Variants in COX10 observed in about 807,000 individuals in gnomAD.
COX10 encodes the protein cytochrome c oxidase assembly factor heme A:farnesyltransferase COX10.
In COX10, 27 loss-of-function variants were observed where a neutral mutation model predicts 37.3. The observed-to-expected ratio is 0.72, with a 90% confidence interval of 0.53 to 1.00. COX10 has a LOEUF of 1.00. Among genes scored for constraint, COX10 ranks in the 50% least tolerant of loss-of-function variants. The probability of loss-of-function intolerance (pLI) is 0.00; values close to 1 mark genes in which losing one functional copy is unlikely to be tolerated. For missense variants in COX10, 475 were observed against 563.2 expected (o/e 0.84, Z 1.59); for synonymous variants, 222 against 229.1 (o/e 0.97, Z 0.28).
At chr17:14,089,207 C>T (rs796682950) in intron 3 of COX10, among the ~76,000 whole-genome samples, 19 of 152,308 alleles carry the variant, frequency 1.2e-4, no homozygotes, top group African/African-American at 4.6e-4. Context: ...AAGCTGCCTG[C>T]CTCTTCTCTA....
intron 6 of COX10, among the ~76,000 whole-genome samples, chr17:14,199,678 C>T (rs571203068): frequency 2.6e-5 from 4 of 152,302 alleles, no homozygotes; most frequent in African/African-American, 9.6e-5. Context: ...CACTCTATTT[C>T]CTATTTTCAG....
At chr17:14,168,752 C>T (rs1448149185) in intron 5 of COX10, among the ~76,000 whole-genome samples, 3 of 152,170 alleles carry the variant, frequency 2.0e-5, no homozygotes, top group Admixed American at 2.0e-4. Flanking sequence ...GAGTGCCCAC[C>T]ATGTCCTGAG....
intron 3 of COX10, among the ~76,000 whole-genome samples, chr17:14,088,161 C>T (rs1915453180): frequency 6.6e-6 from 1 of 152,034 alleles, no homozygotes; most frequent in South Asian, 2.1e-4. Context: ...ATATTTATTT[C>T]CCATATTTAT....
chr17:14,078,806 A>G (rs1915215395), intron 3 of COX10, among the ~76,000 whole-genome samples: 2 of 152,186 alleles, frequency 1.3e-5, no homozygotes, highest in African/African-American at 4.8e-5. Context: ...GCTTAGTGTT[A>G]AAGGAACACT....
chr17:14,069,749 G>A, intron 1 of COX10, 101 bp downstream of exon 1: 1 of 1,480,714 alleles, frequency 6.8e-7, no homozygotes, highest in South Asian at 1.2e-5. Flanking sequence ...GGAGCCCTTG[G>A]CGAGGTTGGC....
intron 4 of COX10, among the ~76,000 whole-genome samples, chr17:14,136,026 T>C (rs1414648021): frequency 6.6e-6 from 1 of 151,844 alleles, no homozygotes; most frequent in Non-Finnish European, 1.5e-5. Flanking sequence ...GAGACGAAGA[T>C]AGAGAGGAAG....
chr17:14,130,084 T>A (rs1353369717), intron 4 of COX10, among the ~76,000 whole-genome samples: 1 of 152,130 alleles, frequency 6.6e-6, no homozygotes, highest in Non-Finnish European at 1.5e-5. Flanking sequence ...CAACAAAAAT[T>A]AAGAATGTAA....
intron 4 of COX10, among the ~76,000 whole-genome samples, chr17:14,147,626 A>G (rs1904761214): frequency 6.6e-6 from 1 of 152,148 alleles, no homozygotes; most frequent in African/African-American, 2.4e-5. Context: ...CATTTTAATA[A>G]CTAATAGAGT....
At chr17:14,122,528 T>C (rs1192088037) in intron 4 of COX10, among the ~76,000 whole-genome samples, 1 of 152,176 alleles carries the variant, frequency 6.6e-6, no homozygotes, top group African/African-American at 2.4e-5. Flanking sequence ...TGAGAGATTT[T>C]TTTTTCTGTA....
chr17:14,107,249 A>G (rs1915914216), intron 4 of COX10, among the ~76,000 whole-genome samples: 1 of 151,762 alleles, frequency 6.6e-6, no homozygotes, highest in South Asian at 2.1e-4. Context: ...ATCTTTGCCC[A>G]AGATCCTGGC....
intron 4 of COX10, among the ~76,000 whole-genome samples, chr17:14,121,550 TG>T (rs1949555671): frequency 6.6e-6 from 1 of 152,166 alleles, no homozygotes; most frequent in African/African-American, 2.4e-5. Flanking sequence ...TTGTGTGACA[TG>T]GGGCAAATTA....
chr17:14,095,605 T>A (rs988849110), intron 3 of COX10, among the ~76,000 whole-genome samples: 1 of 152,214 alleles, frequency 6.6e-6, no homozygotes, highest in Non-Finnish European at 1.5e-5. Context: ...ATTGTTTCAC[T>A]GTTTCAACAG....
At chr17:14,081,141 A>G (rs1024474625) in intron 3 of COX10, among the ~76,000 whole-genome samples, 2 of 152,238 alleles carry the variant, frequency 1.3e-5, no homozygotes, top group African/African-American at 2.4e-5. Context: ...GACAGAGTTA[A>G]TTGCAACAGA....
intron 2 of COX10, among the ~76,000 whole-genome samples, chr17:14,076,528 C>T (rs1915155642): frequency 6.6e-6 from 1 of 152,126 alleles, no homozygotes; most frequent in Non-Finnish European, 1.5e-5. Flanking sequence ...AAAACCATTA[C>T]TGAGGCCTAA....
intron 5 of COX10, among the ~76,000 whole-genome samples, chr17:14,172,678 C>T (rs1310202531): frequency 6.8e-6 from 1 of 148,018 alleles, no homozygotes; most frequent in African/African-American, 2.5e-5. Context: ...CTCCAGAACT[C>T]GTGATCCTCC....
intron 4 of COX10, among the ~76,000 whole-genome samples, chr17:14,107,431 GCTATT>G (rs141576737): frequency 0.026 from 3,924 of 152,108 alleles, 179 homozygotes; most frequent in African/African-American, 0.09. Context: ...GTATGGTCTT[GCTATT>G]CATAGCCCAC....
chr17:14,136,927 T>C (rs1904388939), intron 4 of COX10, among the ~76,000 whole-genome samples: 1 of 152,090 alleles, frequency 6.6e-6, no homozygotes, highest in Non-Finnish European at 1.5e-5. Flanking sequence ...CATTAAAACT[T>C]CAAGTTTACT....
intron 3 of COX10, among the ~76,000 whole-genome samples, chr17:14,078,413 G>C (rs903301113): frequency 6.6e-6 from 1 of 152,164 alleles, no homozygotes; most frequent in African/African-American, 2.4e-5. Context: ...CTCGTCTCTT[G>C]TTGTCCCATT....
intron 3 of COX10, among the ~76,000 whole-genome samples, chr17:14,093,436 T>A (rs1056952255): frequency 2.0e-4 from 30 of 150,988 alleles, no homozygotes; most frequent in Admixed American, 1.9e-3. Context: ...TAGTGGGACT[T>A]AAAAAAAAAC....
Sources: gnomAD v4.1 joint callset for allele counts (sites outside exome capture counted in the v4.1 genomes callset) on GRCh38, gnomAD v4.1.1 for gene constraint, MANE v1.5 for transcripts, NCBI Gene and HGNC (gene_info 2026-07-23, HGNC 2026-07-21) for gene names.